The following MYCBP2 variants were observed in gnomAD, a reference collection of about 807,000 sequenced individuals.
MYCBP2 encodes MYC binding protein 2, also known as E3 ubiquitin-protein ligase MYCBP2.
In MYCBP2, 120 loss-of-function variants were observed where a neutral mutation model predicts 525.3. The ratio of observed to expected loss-of-function variants is 0.23; its 90% CI spans 0.20 to 0.27. The LOEUF is 0.27. MYCBP2 is among the 10% of genes least tolerant of loss of function. The pLI, the probability that MYCBP2 is intolerant of heterozygous loss-of-function variation, is 1.00. For missense variants in MYCBP2, 4,149 were observed against 5,657.1 expected (o/e 0.73, Z 8.55); for synonymous variants, 1,894 against 1,955.8 (o/e 0.97, Z 0.83).
rs535089493 is a variant in MYCBP2 at position 77,277,549 on chromosome 13, G to A, written c.748+1209C>T. On this transcript the variant is annotated intron_variant, in intron 4 of 82. Transcript: ENST00000544440. ...AAAGAAAAATCTGACATGTAGTTAG[G>A]TTCATGCAGTTTGGTTCTCACAGGT... 2.0e-5 allele frequency among the ~76,000 whole-genome samples: 3 copies of A among 152,294 alleles called. No homozygotes were observed. In the East Asian group the frequency reaches 5.8e-4, roughly 29 times the overall value.
chr13:77,175,100 T>G (rs2073225430), intron 36 of MYCBP2, among the ~76,000 whole-genome samples: 2 of 148,334 alleles, frequency 1.3e-5, no homozygotes, highest in African/African-American at 5.1e-5. Flanking sequence ...AGTTAATTTT[T>G]TAGGGTGTTT....
In MYCBP2 at chr13:77,132,248, G is replaced by A. The variant is rs530188454; in HGVS notation, c.7660-5706C>T. On this transcript the variant is annotated intron_variant, in intron 52 of 82. Transcript: ENST00000544440. ...CACACAAAGCTATTAACAAAATCAG[G>A]AAATCTGGGGTATGTTAAAGCTGTG... Among the ~76,000 whole-genome samples, 29 of 152,224 alleles carry A rather than the reference G, an allele frequency of 1.9e-4. 1 individual carries two copies. In the South Asian group the frequency reaches 6.0e-3, roughly 32 times the overall value.
At chr13:77,092,567 G>GGT in intron 59 of MYCBP2, 1 of 152,110 alleles carries the variant, frequency 6.6e-6, no homozygotes, top group South Asian at 2.1e-4. Flanking sequence ...TGGGATTACA[G>GGT]GTGTGTGTCA....
intron 37 of MYCBP2, among the ~76,000 whole-genome samples, chr13:77,172,605 G>A (rs1441375427): frequency 6.6e-6 from 1 of 152,134 alleles, no homozygotes; most frequent in African/African-American, 2.4e-5. Flanking sequence ...TATTAAATAT[G>A]GAAGTAGAAG....
Position 77,098,057 on chromosome 13 carries a change from C to T in MYCBP2, c.9097G>A (p.Ala3033Thr). 6.2e-7 allele frequency: 1 copy of T among 1,613,610 alleles called. No homozygotes were observed. The highest frequency in any genetic ancestry group is 8.5e-7 in the Non-Finnish European group (1 of 1,179,772). ...MSPSVAECAR[A>T]VFASFLWHEG... is the part of the protein sequence containing the mutation. ...TGCCAGAGGAAGGAAGCAAACACAGCTCTGGCACATTCGGCCACAGAAGGA... is the reference window on the plus strand; with the variant it reads ...TGCCAGAGGAAGGAAGCAAACACAGTTCTGGCACATTCGGCCACAGAAGGA... Residue 3033 changes from alanine (A) to threonine (T), a missense_variant, in exon 56 of 83, where the codon GCT (alanine) becomes ACT (threonine). By Grantham distance (58) the Ala-to-Thr change is moderately conservative. Transcript: ENST00000544440.
intron 15 of MYCBP2, among the ~76,000 whole-genome samples, chr13:77,245,744 A>AACACACAC (rs71102727): frequency 1.5e-4 from 22 of 143,076 alleles, no homozygotes; most frequent in African/African-American, 5.8e-4. Flanking sequence ...AACGTAAAGT[A>AACACACAC]ACACACACAC....
chr13:77,100,464 C>T (rs1366484844), intron 55 of MYCBP2: 1 of 151,842 alleles, frequency 6.6e-6, no homozygotes, highest in Non-Finnish European at 1.5e-5. Flanking sequence ...TTTTTTTCTT[C>T]TGCTACTCCC....
chr13:77,290,485 G>A (rs1406186209), intron 2 of MYCBP2, among the ~76,000 whole-genome samples: 1 of 152,096 alleles, frequency 6.6e-6, no homozygotes, highest in Admixed American at 6.5e-5. Flanking sequence ...ATGGGTAAAT[G>A]GTTAAACAAA....
chr13:77,139,897 C>T, intron 51 of MYCBP2, 150 bp downstream of exon 51: 1 of 523,224 alleles, frequency 1.9e-6, no homozygotes, highest in South Asian at 3.2e-5. Context: ...GTTTGAAACT[C>T]AATGAACACA....
At chr13:77,244,932 T>C (rs1377426222) in intron 15 of MYCBP2, among the ~76,000 whole-genome samples, 1 of 151,886 alleles carries the variant, frequency 6.6e-6, no homozygotes, top group Non-Finnish European at 1.5e-5. Context: ...AACCACCCCA[T>C]CAAAAAGTGG....
intron 79 of MYCBP2, among the ~76,000 whole-genome samples, chr13:77,056,543 T>C (rs569968174): frequency 1.5e-3 from 230 of 152,338 alleles, no homozygotes; most frequent in African/African-American, 5.2e-3. Context: ...GCCAAGAACT[T>C]TCTCCTTGTT....
chr13:77,241,062 A>G (rs2068747063), intron 17 of MYCBP2, among the ~76,000 whole-genome samples: 2 of 152,194 alleles, frequency 1.3e-5, no homozygotes, highest in South Asian at 4.1e-4. Context: ...CTATCTTTGG[A>G]AAGTCAGATA....
In MYCBP2 at chr13:77,273,400, A is replaced by T. The variant is rs17067389; in HGVS notation, c.945+72T>A. 1.4e-3 allele frequency: 1,854 copies of T among 1,336,136 alleles called. 17 individuals carry two copies. The African/African-American group carries it at 0.024, about 17-fold the overall frequency. The allele number at this position is 1,336,136 out of a possible 1,614,324, so 82.8% of individuals were successfully genotyped here. A position where few individuals can be genotyped will look rare whatever the true frequency, so the allele number is the denominator to read the frequency against. On this transcript the variant is annotated intron_variant, in intron 5 of 82. Transcript: ENST00000544440. ...ATGAGTGAGAAAAAGCAGAATTCCTATTGACAGAAATTGAGACGAAACTGT... is the reference window on the plus strand; with the variant it reads ...ATGAGTGAGAAAAAGCAGAATTCCTTTTGACAGAAATTGAGACGAAACTGT...
At position 77,186,037 on chromosome 13, in the gene MYCBP2, A is replaced by G. The variant is rs1327700791; in HGVS notation, c.4278T>C (p.Ile1426=). 6.3e-7 allele frequency: 1 copy of G among 1,596,154 alleles called. No individual in the cohort carries two copies. The highest frequency in any genetic ancestry group is 1.1e-5 in the South Asian group (1 of 87,654). ...SVECFESLLS[I]LHWSWTTLVL... is the part of the protein sequence containing the mutation. ...CTAAGGTGGTCCAGCTCCAGTGAAG[A>G]ATACTCAACAATGACTCAAAACATT... is the stretch of plus-strand genomic sequence containing the variant. The change falls in exon 31 of 83, where the codon ATT becomes ATC. Residue 1426 remains isoleucine (I), a synonymous_variant. Transcript: ENST00000544440.
intron 73 of MYCBP2, among the ~76,000 whole-genome samples, chr13:77,063,137 A>G (rs1313126102): frequency 6.6e-6 from 1 of 152,224 alleles, no homozygotes; most frequent in East Asian, 1.9e-4. Context: ...GGTACACATT[A>G]AATCCTTCTA....
At chr13:77,242,560 A>G (rs1166006908) in intron 17 of MYCBP2, among the ~76,000 whole-genome samples, 2 of 152,250 alleles carry the variant, frequency 1.3e-5, no homozygotes, top group African/African-American at 4.8e-5. Context: ...TTTCCAAAAA[A>G]GGACACATGA....
At chr13:77,189,094 C>A (rs753852122) in intron 29 of MYCBP2, 47 bp from the exon 30 acceptor site, 2 of 1,359,704 alleles carry the variant, frequency 1.5e-6, no homozygotes, top group South Asian at 1.4e-5. Flanking sequence ...AGTCCAATGT[C>A]ATTTTTTCTT....
chr13:77,202,382 T>C (rs1210257074), intron 26 of MYCBP2, among the ~76,000 whole-genome samples: 1 of 152,200 alleles, frequency 6.6e-6, no homozygotes, highest in Non-Finnish European at 1.5e-5. Context: ...TAACAGGATC[T>C]GAAATTGTGG....
Position 77,065,978 on chromosome 13 carries a change from G to C in MYCBP2, c.12552+14C>G. 1 of 1,599,028 alleles carries C rather than the reference G, an allele frequency of 6.3e-7. No homozygotes were observed. The highest frequency in any genetic ancestry group is 1.3e-5 in the African/African-American group (1 of 74,564). ...GCCGCACTTCACTGCCAAAACAGAA[G>C]AATGGGAACTTACTGCTGCCATATC... is the stretch of plus-strand genomic sequence containing the variant. On this transcript the variant is annotated intron_variant, in intron 72 of 82. Transcript: ENST00000544440.
Sources: allele counts gnomAD v4.1 joint callset (sites outside exome capture counted in the v4.1 genomes callset), GRCh38; gene constraint gnomAD v4.1.1; transcripts MANE v1.5; gene names NCBI Gene and HGNC (gene_info 2026-07-23, HGNC 2026-07-21).